SRGAP2B: variants seen among roughly 807,000 people sequenced by gnomAD.
SRGAP2B encodes the protein SLIT-ROBO Rho GTPase activating protein 2B.
A neutral mutation model predicts 22.2 loss-of-function variants in SRGAP2B; 9 were observed. That is an observed-to-expected ratio of 0.41 (90% CI 0.24 to 0.71). The LOEUF (loss-of-function observed/expected upper bound fraction) is 0.71. Among genes scored for constraint, SRGAP2B ranks in the 30% least tolerant of loss-of-function variants. SRGAP2B has a pLI of 0.35. For missense variants in SRGAP2B, 114 were observed against 235.8 expected (o/e 0.48, Z 3.38); for synonymous variants, 36 against 87.4 (o/e 0.41, Z 3.28).
At chr1:145,012,446 G>T (rs1672126405) in intron 2 of SRGAP2B, among the ~76,000 whole-genome samples, 1 of 145,162 alleles carries the variant, frequency 6.9e-6, no homozygotes, top group Admixed American at 6.9e-5. Context: ...ATTAAAAAAG[G>T]AAACCCATCA....
intron 4 of SRGAP2B, among the ~76,000 whole-genome samples, chr1:144,933,251 C>A (rs1665345464): frequency 6.8e-6 from 1 of 147,994 alleles, no homozygotes; most frequent in Admixed American, 6.7e-5. Context: ...ACAGATCCAA[C>A]TGTCATGACC....
intron 4 of SRGAP2B, among the ~76,000 whole-genome samples, chr1:144,941,415 T>C (rs1163488960): frequency 7.4e-6 from 1 of 135,920 alleles, no homozygotes; most frequent in Non-Finnish European, 1.6e-5. Flanking sequence ...TTCAAATTAA[T>C]CTATAACTGG....
At chr1:144,975,968 G>A (rs1553614118) in intron 3 of SRGAP2B, among the ~76,000 whole-genome samples, 1 of 147,112 alleles carries the variant, frequency 6.8e-6, no homozygotes, top group Non-Finnish European at 1.5e-5. Context: ...CCACCTCCCA[G>A]GTTCACCCCA....
chr1:145,038,208 C>T, intron 2 of SRGAP2B, among the ~76,000 whole-genome samples: 1 of 79,798 alleles, frequency 1.3e-5, no homozygotes, highest in Non-Finnish European at 2.1e-5. Context: ...ATCCCCAAGA[C>T]ATACTGTTAA....
chr1:144,973,267 G>A (rs1668658856), intron 3 of SRGAP2B, among the ~76,000 whole-genome samples: 2 of 147,124 alleles, frequency 1.4e-5, no homozygotes, highest in Admixed American at 1.3e-4. Context: ...TGATCAAAAT[G>A]TTTTAAAGTC....
intron 4 of SRGAP2B, among the ~76,000 whole-genome samples, chr1:144,940,674 A>G (rs1665961563): frequency 6.8e-6 from 1 of 147,850 alleles, no homozygotes; most frequent in Non-Finnish European, 1.5e-5. Flanking sequence ...GTGGTAGCCC[A>G]CGCCTGTAAT....
chr1:144,964,503 T>C (rs1667915303), intron 3 of SRGAP2B, among the ~76,000 whole-genome samples: 2 of 150,940 alleles, frequency 1.3e-5, no homozygotes, highest in South Asian at 4.2e-4. Flanking sequence ...GTTGATACTT[T>C]ACTGGCAAAA....
intron 5 of SRGAP2B, 68 bp from the exon 6 acceptor site, chr1:144,906,142 C>T (rs1196479462): frequency 2.3e-5 from 16 of 706,324 alleles, no homozygotes; most frequent in Admixed American, 4.1e-5. Flanking sequence ...GCTTTACAGA[C>T]TAACAGACTC....
intron 4 of SRGAP2B, among the ~76,000 whole-genome samples, chr1:144,944,683 TTTTATTTA>T (rs57558732): frequency 0.012 from 1,597 of 132,188 alleles, 18 homozygotes; most frequent in East Asian, 0.072. Context: ...GAATTGGTTG[TTTTATTTA>T]TTTATTTATT....
intron 2 of SRGAP2B, among the ~76,000 whole-genome samples, chr1:145,022,982 T>A (rs1367689225): frequency 6.7e-6 from 1 of 149,780 alleles, no homozygotes; most frequent in African/African-American, 2.5e-5. Flanking sequence ...CTGGCAAATG[T>A]GGTGAAGCCC....
chr1:145,028,543 T>TGA (rs1310273890), intron 2 of SRGAP2B, among the ~76,000 whole-genome samples: 1 of 147,570 alleles, frequency 6.8e-6, no homozygotes, highest in Non-Finnish European at 1.5e-5. Context: ...TTGCAATAAG[T>TGA]CTTTGCGGGT....
intron 2 of SRGAP2B, among the ~76,000 whole-genome samples, chr1:145,021,136 A>C (rs1672773354): frequency 6.9e-6 from 1 of 145,814 alleles, no homozygotes; most frequent in Admixed American, 6.8e-5. Context: ...TAGATAAACA[A>C]CTGAAATGCA....
chr1:145,015,731 C>T (rs1278860914), intron 2 of SRGAP2B, among the ~76,000 whole-genome samples: 14 of 116,968 alleles, frequency 1.2e-4, no homozygotes, highest in African/African-American at 3.2e-4. Context: ...TGCAAGGAAC[C>T]GAAATAATCG....
Position 144,955,438 on chromosome 1 carries a change from C to A in SRGAP2B, c.423+1G>T. On this transcript the variant is annotated splice_donor_variant, in intron 4 of 9. Transcript: ENST00000612199. LOFTEE classifies it high-confidence loss of function. ...ACCTCTGTGAAGAAATATCTCTGTA[C>A]CTTTTTAAAGAGTCTTCCTGAGTCC... The A allele has an allele frequency of 3.8e-6, 6 of 1,598,536 alleles. No homozygotes were observed. The highest frequency in any genetic ancestry group is 5.1e-6 in the Non-Finnish European group (6 of 1,172,322).
chr1:145,062,977 T>C (rs1344706669), intron 2 of SRGAP2B, among the ~76,000 whole-genome samples: 1 of 149,326 alleles, frequency 6.7e-6, no homozygotes, highest in Non-Finnish European at 1.5e-5. Flanking sequence ...ACAAACAAAA[T>C]AGAGTAAGTC....
At chr1:144,934,299 G>A (rs1665453390) in intron 4 of SRGAP2B, among the ~76,000 whole-genome samples, 1 of 148,212 alleles carries the variant, frequency 6.7e-6, no homozygotes. Flanking sequence ...AGCTACTCGG[G>A]AGGCTGAGGC....
intron 3 of SRGAP2B, among the ~76,000 whole-genome samples, chr1:144,986,961 TC>T (rs1225150617): frequency 6.6e-6 from 1 of 150,968 alleles, no homozygotes; most frequent in Non-Finnish European, 1.5e-5. Context: ...ATGCTTCCTT[TC>T]CCATCTTTTC....
intron 2 of SRGAP2B, among the ~76,000 whole-genome samples, chr1:145,058,235 G>T (rs1318429575): frequency 6.7e-6 from 1 of 149,222 alleles, no homozygotes; most frequent in Non-Finnish European, 1.5e-5. Flanking sequence ...AGGTGGTATG[G>T]GATAGTTGCT....
chr1:145,066,686 C>T (rs1377394675), intron 2 of SRGAP2B, among the ~76,000 whole-genome samples: 1 of 151,800 alleles, frequency 6.6e-6, no homozygotes, highest in Non-Finnish European at 1.5e-5. Flanking sequence ...GATAAGCACC[C>T]CAGCCCGGGA....
Sources: gnomAD v4.1 joint callset for allele counts (sites outside exome capture counted in the v4.1 genomes callset) on GRCh38, gnomAD v4.1.1 for gene constraint, MANE v1.5 for transcripts, NCBI Gene and HGNC (gene_info 2026-07-23, HGNC 2026-07-21) for gene names.